ADAMTS20: variants seen among roughly 807,000 people sequenced by gnomAD.
ADAMTS20 encodes A disintegrin and metalloproteinase with thrombospondin motifs 20.
A neutral mutation model predicts 260.1 loss-of-function variants in ADAMTS20; 225 were observed. That is an observed-to-expected ratio of 0.87 (90% confidence interval 0.78 to 0.97). The LOEUF is 0.97. Among genes scored for constraint, ADAMTS20 ranks in the 50% least tolerant of loss-of-function variants. The pLI, the probability that ADAMTS20 is intolerant of heterozygous loss-of-function variation, is 0.00. For missense variants in ADAMTS20, 2,400 were observed against 2,337.7 expected, an observed-to-expected ratio of 1.03 and a Z score of -0.55; for synonymous variants, 802 against 769.5, an observed-to-expected ratio of 1.04 and a Z score of -0.70.
chr12:43,442,504 T>A (rs1276210930), intron 16 of ADAMTS20, among the ~76,000 whole-genome samples: 1 of 152,140 alleles, frequency 6.6e-6, no homozygotes, highest in African/African-American at 2.4e-5. Flanking sequence ...ATGATCCACC[T>A]GCCTCGGCCT....
intron 15 of ADAMTS20, among the ~76,000 whole-genome samples, chr12:43,445,796 G>A (rs1174304717): frequency 6.6e-6 from 1 of 152,126 alleles, no homozygotes; most frequent in African/African-American, 2.4e-5. Flanking sequence ...CAGCTGCAAT[G>A]AGCTATGATT....
rs869040570 is a variant in ADAMTS20, at chr12:43,405,229, C to CAAAA, written c.4285-6000_4285-5997dup. ...GTAACAAAATGAGACCTCATCTCTA[C>CAAAA]AAAAAAAAAAAAAAAAAAAAAAAAA... On this transcript the variant is annotated intron_variant, in intron 28 of 38. Transcript: ENST00000389420. Among the ~76,000 whole-genome samples the CAAAA allele has an allele frequency of 2.9e-3, 151 of 52,708 alleles. 2 individuals are homozygous for CAAAA. Among genetic ancestry groups the CAAAA allele is most frequent in the African/African-American group, 5.9e-3 (67 of 11,306 alleles). 34.6% of individuals were successfully genotyped at this position (52,708 alleles called of 152,430 possible). A position where few individuals can be genotyped will look rare whatever the true frequency, so the allele number is the denominator to read the frequency against.
chr12:43,372,280 A>T (rs1565668972), intron 36 of ADAMTS20, among the ~76,000 whole-genome samples: 1 of 152,254 alleles, frequency 6.6e-6, no homozygotes, highest in Non-Finnish European at 1.5e-5. Flanking sequence ...AGTGAGAAAG[A>T]CAGGAGAAAG....
rs1941710998 is a variant in ADAMTS20, at chr12:43,443,800, T to C, written c.2281A>G (p.Ser761Gly). 6.2e-7 allele frequency: 1 copy of C among 1,612,082 alleles called. No individual in the cohort carries two copies. The highest frequency in any genetic ancestry group is 8.5e-7 in the Non-Finnish European group (1 of 1,178,464). The change falls in exon 16 of 39, where the codon AGT becomes GGT. Residue 761 changes from serine (S) to glycine (G), a missense_variant. Coordinates refer to ENST00000389420, the MANE Select transcript of ADAMTS20 (RefSeq NM_025003.5). ...QYSYSGQPDD[S>G]YLALSDAEGN... ...TACGAGAAATGTTTACCAAGGTAAC[T>C]GTCATCTGGTTGTCCAGAATAGCTG...
chr12:43,535,422 A>G (rs1417035104), intron 2 of ADAMTS20, among the ~76,000 whole-genome samples: 2 of 152,146 alleles, frequency 1.3e-5, no homozygotes, highest in East Asian at 3.9e-4. Flanking sequence ...AGGAGTCCAT[A>G]AACTTGGGTG....
At chr12:43,392,124 T>A (rs1016865955) in intron 29 of ADAMTS20, among the ~76,000 whole-genome samples, 4 of 152,168 alleles carry the variant, frequency 2.6e-5, no homozygotes, top group Admixed American at 2.6e-4. Context: ...AGAATAATAA[T>A]TTCATGTGCA....
intron 28 of ADAMTS20, among the ~76,000 whole-genome samples, chr12:43,399,672 G>A (rs976098940): frequency 4.6e-5 from 7 of 151,994 alleles, no homozygotes; most frequent in Admixed American, 3.9e-4. Context: ...AAAAATTTTA[G>A]TAATCTCTCA....
At chr12:43,462,863 T>G in intron 11 of ADAMTS20, 32 bp downstream of exon 11, 1 of 1,532,406 alleles carries the variant, frequency 6.5e-7, no homozygotes, top group East Asian at 2.3e-5. Flanking sequence ...GATAATATCT[T>G]CATACAAGAC....
At chr12:43,400,828 T>C (rs1301633741) in intron 28 of ADAMTS20, among the ~76,000 whole-genome samples, 1 of 152,022 alleles carries the variant, frequency 6.6e-6, no homozygotes, top group African/African-American at 2.4e-5. Context: ...AATAATACTT[T>C]TAAATTGTTA....
At chr12:43,360,087 T>C (rs1939833628) in intron 37 of ADAMTS20, among the ~76,000 whole-genome samples, 1 of 151,896 alleles carries the variant, frequency 6.6e-6, no homozygotes, top group Non-Finnish European at 1.5e-5. Context: ...CCAGAACATA[T>C]AAAAAAACTC....
chr12:43,482,113 G>T (rs1208178710), intron 7 of ADAMTS20, among the ~76,000 whole-genome samples: 1 of 152,232 alleles, frequency 6.6e-6, no homozygotes, highest in Non-Finnish European at 1.5e-5. Context: ...CCAGTCTCCA[G>T]CAGGGATGGA....
rs1941712603 is a variant in ADAMTS20, at chr12:43,443,849, T to G, written c.2232A>C (p.Ala744=). The G allele has an allele frequency of 6.2e-7, 1 of 1,613,446 alleles. No individual in the cohort carries two copies. Among genetic ancestry groups the G allele is most frequent in the Non-Finnish European group, 8.5e-7 (1 of 1,179,502 alleles). The change falls in exon 16 of 39, where the codon GCA becomes GCC. Residue 744 remains alanine (A), a synonymous_variant. Transcript: ENST00000389420. ...TGTACTGACGAATGTCAACGTTTGT[T>G]GCTCCTGCGGGAATCTTTACAACAA... ...YNVVVKIPAG[A]TNVDIRQYSY...
At chr12:43,386,394 C>G (rs1940478463) in intron 29 of ADAMTS20, among the ~76,000 whole-genome samples, 1 of 152,106 alleles carries the variant, frequency 6.6e-6, no homozygotes, top group Non-Finnish European at 1.5e-5. Context: ...GTAACCAGAC[C>G]ATTCTCTCTG....
rs370085105 is a variant in ADAMTS20 at position 43,380,191 on chromosome 12, T to C, written c.4798-2629A>G. Among the ~76,000 whole-genome samples, 467 of 152,206 alleles carry C rather than the reference T, an allele frequency of 3.1e-3. 2 individuals are homozygous for C. Among genetic ancestry groups the C allele is most frequent in the African/African-American group, 0.011 (438 of 41,534 alleles). The stretch of plus-strand genomic sequence containing the variant: ...TACTAATAGAAGAATGGACAAAAAA[T>C]ATGATAATTTCAGTAGATGTAGACT... On this transcript the variant is annotated intron_variant, in intron 31 of 38. Transcript: ENST00000389420.
At chr12:43,368,659 C>T (rs559421118) in intron 37 of ADAMTS20, among the ~76,000 whole-genome samples, 5 of 152,070 alleles carry the variant, frequency 3.3e-5, no homozygotes, top group Non-Finnish European at 7.4e-5. Flanking sequence ...CCTAAAAGTG[C>T]TATATTCATC....
chr12:43,368,928 T>C (rs1297653257), intron 37 of ADAMTS20, among the ~76,000 whole-genome samples: 1 of 152,136 alleles, frequency 6.6e-6, no homozygotes, highest in Non-Finnish European at 1.5e-5. Flanking sequence ...AGGAAGCTAA[T>C]AGAACTGATG....
At chr12:43,395,798 T>A (rs903286948) in intron 29 of ADAMTS20, among the ~76,000 whole-genome samples, 6 of 149,334 alleles carry the variant, frequency 4.0e-5, no homozygotes, top group Admixed American at 1.4e-4. Flanking sequence ...TTCACCAAGG[T>A]AATTAAGAAT....
intron 14 of ADAMTS20, among the ~76,000 whole-genome samples, chr12:43,450,842 A>G (rs777316423): frequency 9.2e-5 from 14 of 152,308 alleles, no homozygotes; most frequent in Non-Finnish European, 1.6e-4. Flanking sequence ...TAATTAACAA[A>G]TGCATAACCT....
intron 28 of ADAMTS20, among the ~76,000 whole-genome samples, chr12:43,399,508 CACA>C (rs1940768597): frequency 1.3e-5 from 2 of 152,128 alleles, no homozygotes; most frequent in African/African-American, 4.8e-5. Context: ...ACTCTTCTGA[CACA>C]ACAATGCTTC....
Sources: allele counts gnomAD v4.1 joint callset (sites outside exome capture counted in the v4.1 genomes callset), GRCh38; gene constraint gnomAD v4.1.1; transcripts MANE v1.5; gene names NCBI Gene and HGNC (gene_info 2026-07-23, HGNC 2026-07-21).